ROBO2: variants seen among roughly 807,000 people sequenced by gnomAD.
The protein encoded by ROBO2 is roundabout homolog 2.
In ROBO2, 53 loss-of-function variants were observed where a neutral mutation model predicts 160.8. That is an observed-to-expected ratio of 0.33 (90% CI 0.26 to 0.41). The LOEUF is 0.41. Ranked by LOEUF, ROBO2 falls within the 10% of genes least tolerant of loss-of-function variation. ROBO2 has a pLI of 1.00. For missense variants in ROBO2, 1,577 were observed against 1,722.4 expected (o/e 0.92, Z 1.49); for synonymous variants, 664 against 611.7 (o/e 1.09, Z -1.26).
Position 76,580,327 on chromosome 3 carries a change from T to TTG in ROBO2, c.110-517687_110-517686insTG, listed in dbSNP as rs796983322. Among the ~76,000 whole-genome samples the TTG allele has an allele frequency of 4.7e-3, 533 of 114,136 alleles. 13 individuals carry two copies. The highest frequency in any genetic ancestry group is 0.014 in the African/African-American group (439 of 31,540). The allele number at this position is 114,136 out of a possible 152,430, so 74.9% of individuals were successfully genotyped here. A position where few individuals can be genotyped will look rare whatever the true frequency, so the allele number is the denominator to read the frequency against. ...GCTAACCCAACCCCTGTTTTTTTTT[T>TTG]GTTTTTTTTTTTGTGTTTTTTTTTT... On this transcript the variant is annotated intron_variant, in intron 2 of 26. Transcript: ENST00000487694.
chr3:77,324,643 A>G (rs936015663), intron 2 of ROBO2, among the ~76,000 whole-genome samples: 1 of 129,072 alleles, frequency 7.7e-6, no homozygotes, highest in African/African-American at 3.5e-5. Context: ...AGCCGGGTGC[A>G]GTGGTGAGCG....
At chr3:77,301,991 C>T (rs535486095) in intron 2 of ROBO2, among the ~76,000 whole-genome samples, 4 of 152,158 alleles carry the variant, frequency 2.6e-5, no homozygotes, top group African/African-American at 9.6e-5. Context: ...CAGCCTTGAC[C>T]TCCTGGGCTC....
At chr3:76,648,071 T>C (rs2091067749) in intron 2 of ROBO2, among the ~76,000 whole-genome samples, 1 of 152,060 alleles carries the variant, frequency 6.6e-6, no homozygotes. Flanking sequence ...ATATTCTTTT[T>C]TTTAAAATTC....
chr3:77,295,130 C>A (rs1486256276), intron 2 of ROBO2, among the ~76,000 whole-genome samples: 2 of 146,372 alleles, frequency 1.4e-5, no homozygotes, highest in Non-Finnish European at 3.0e-5. Context: ...GCTAGGTCAC[C>A]CCAGATATAA....
intron 1 of ROBO2, among the ~76,000 whole-genome samples, chr3:75,923,144 T>C (rs1158660690): frequency 2.6e-5 from 4 of 152,250 alleles, no homozygotes; most frequent in Non-Finnish European, 5.9e-5. Context: ...GGAAGGTTTT[T>C]TTTTAAAACA....
At chr3:77,116,044 C>T (rs534520460) in intron 2 of ROBO2, among the ~76,000 whole-genome samples, 1 of 152,314 alleles carries the variant, frequency 6.6e-6, no homozygotes, top group South Asian at 2.1e-4. Context: ...GAGTTTTCTG[C>T]AGGGCTGCCA....
intron 2 of ROBO2, among the ~76,000 whole-genome samples, chr3:76,908,863 AGATAATT>A (rs1224927291): frequency 6.6e-6 from 1 of 152,204 alleles, no homozygotes; most frequent in East Asian, 1.9e-4. Flanking sequence ...CATTATATGA[AGATAATT>A]GATAATTGAA....
intron 2 of ROBO2, among the ~76,000 whole-genome samples, chr3:76,191,884 A>G (rs1702022007): frequency 1.3e-5 from 2 of 151,842 alleles, no homozygotes; most frequent in African/African-American, 4.8e-5. Context: ...CTGTCATTCC[A>G]ACTATTTTCA....
chr3:76,401,553 A>G (rs2077816650), intron 2 of ROBO2, among the ~76,000 whole-genome samples: 1 of 151,596 alleles, frequency 6.6e-6, no homozygotes, highest in South Asian at 2.1e-4. Context: ...AGGATGAGCA[A>G]TTAACAACAA....
chr3:77,558,998 A>G (rs551978513), intron 9 of ROBO2, among the ~76,000 whole-genome samples: 6 of 152,112 alleles, frequency 3.9e-5, no homozygotes, highest in South Asian at 2.1e-4. Context: ...TTTGCTTCCA[A>G]TCAACATTAT....
chr3:77,298,620 G>A (rs1325524655), intron 2 of ROBO2, among the ~76,000 whole-genome samples: 1 of 152,142 alleles, frequency 6.6e-6, no homozygotes, highest in African/African-American at 2.4e-5. Flanking sequence ...AAAGTACACT[G>A]TTGTAATAGC....
At chr3:76,772,288 AAC>A (rs2061953595) in intron 2 of ROBO2, among the ~76,000 whole-genome samples, 3 of 151,078 alleles carry the variant, frequency 2.0e-5, no homozygotes, top group African/African-American at 7.3e-5. Flanking sequence ...TTTGCAGAAA[AAC>A]AGAGTGCTTT....
chr3:76,899,025 A>T (rs2148862972), intron 2 of ROBO2, among the ~76,000 whole-genome samples: 1 of 152,252 alleles, frequency 6.6e-6, no homozygotes, highest in East Asian at 1.9e-4. Context: ...AAGGTAATTG[A>T]ACACCTATTC....
intron 2 of ROBO2, among the ~76,000 whole-genome samples, chr3:76,996,221 T>C (rs1193217428): frequency 1.3e-5 from 2 of 152,216 alleles, no homozygotes; most frequent in Non-Finnish European, 2.9e-5. Flanking sequence ...CCTTTCCCCA[T>C]TTCTTGTTTT....
At chr3:76,041,177 G>A (rs190376747) in intron 2 of ROBO2, among the ~76,000 whole-genome samples, 1 of 152,092 alleles carries the variant, frequency 6.6e-6, no homozygotes, top group African/African-American at 2.4e-5. Context: ...CATTATGAAA[G>A]CAATGACTAT....
chr3:77,346,713 T>A (rs763040957), intron 2 of ROBO2, among the ~76,000 whole-genome samples: 2 of 152,144 alleles, frequency 1.3e-5, no homozygotes, highest in African/African-American at 4.8e-5. Context: ...TCCCATCTTC[T>A]TGGTAGCTGT....
intron 2 of ROBO2, among the ~76,000 whole-genome samples, chr3:75,943,319 A>G (rs1948137591): frequency 6.6e-6 from 1 of 152,212 alleles, no homozygotes; most frequent in Non-Finnish European, 1.5e-5. Flanking sequence ...TCTTTAAGGT[A>G]CATCTCCTAA....
chr3:76,549,469 A>C (rs940301430), intron 2 of ROBO2, among the ~76,000 whole-genome samples: 1 of 151,936 alleles, frequency 6.6e-6, no homozygotes, highest in Non-Finnish European at 1.5e-5. Flanking sequence ...GAAACCATTA[A>C]CTCTCCTCTG....
At chr3:76,365,688 A>G (rs1349844501) in intron 2 of ROBO2, among the ~76,000 whole-genome samples, 3 of 152,098 alleles carry the variant, frequency 2.0e-5, no homozygotes, top group Admixed American at 2.0e-4. Flanking sequence ...ATTGAGTACA[A>G]TTAGATCCAT....
Sources: allele counts gnomAD v4.1 joint callset (sites outside exome capture counted in the v4.1 genomes callset), GRCh38; gene constraint gnomAD v4.1.1; transcripts MANE v1.5; gene names NCBI Gene and HGNC (gene_info 2026-07-23, HGNC 2026-07-21).